Variants in KCTD8 observed in about 807,000 individuals in gnomAD.
KCTD8 encodes the protein BTB/POZ domain-containing protein KCTD8.
KCTD8 carries 27 observed loss-of-function variants against 31.5 expected under a neutral mutation model. The ratio of observed to expected loss-of-function variants is 0.86; its 90% confidence interval spans 0.63 to 1.18. The LOEUF is 1.18. Ranked by LOEUF, KCTD8 falls within the 50% of genes most tolerant of loss-of-function variation. The pLI is 0.00. For synonymous variants in KCTD8, 290 were observed against 280.0 expected (o/e 1.04, Z -0.36); for missense variants, 658 against 647.7 (o/e 1.02, Z -0.17).
At chr4:44,442,609 T>G (rs1397731044) in intron 1 of KCTD8, among the ~76,000 whole-genome samples, 2 of 152,030 alleles carry the variant, frequency 1.3e-5, no homozygotes. Flanking sequence ...ATTTAAAAAC[T>G]TATTAACTAT....
At chr4:44,255,621 T>C (rs1337241712) in intron 1 of KCTD8, among the ~76,000 whole-genome samples, 1 of 151,862 alleles carries the variant, frequency 6.6e-6, no homozygotes, top group Non-Finnish European at 1.5e-5. Context: ...TAGAGCTCTT[T>C]TTAAGAAGAA....
At chr4:44,261,169 A>T (rs1159439634) in intron 1 of KCTD8, among the ~76,000 whole-genome samples, 1 of 152,000 alleles carries the variant, frequency 6.6e-6, no homozygotes, top group Non-Finnish European at 1.5e-5. Flanking sequence ...TGTCCTGAGA[A>T]ACTGGTGAAC....
At chr4:44,177,778 G>A (rs779088844) in intron 1 of KCTD8, among the ~76,000 whole-genome samples, 9 of 152,126 alleles carry the variant, frequency 5.9e-5, no homozygotes, top group South Asian at 2.1e-4. Context: ...TATCAGCAGC[G>A]TGAAAATGGA....
At chr4:44,364,028 T>C (rs1719567000) in intron 1 of KCTD8, among the ~76,000 whole-genome samples, 1 of 152,088 alleles carries the variant, frequency 6.6e-6, no homozygotes, top group South Asian at 2.1e-4. Context: ...GATCTTGGAT[T>C]TGGCAGTCAC....
At position 44,267,974 on chromosome 4, in the gene KCTD8, A is replaced by T. The variant is rs143481957; in HGVS notation, c.962-92724T>A. 9.8e-3 allele frequency among the ~76,000 whole-genome samples: 1,493 copies of T among 152,236 alleles called. 8 individuals are homozygous for T. The highest frequency in any genetic ancestry group is 0.018 in the Non-Finnish European group (1,232 of 67,996). ...AATTCCACCAGAGGTACAAGGAGGA[A>T]CTGGTACCATTCCTTCTGAAACTAT... On this transcript the variant is annotated intron_variant, in intron 1 of 1. Transcript: ENST00000360029.
intron 1 of KCTD8, among the ~76,000 whole-genome samples, chr4:44,411,699 A>T (rs956542876): frequency 6.6e-6 from 1 of 152,038 alleles, no homozygotes; most frequent in Non-Finnish European, 1.5e-5. Context: ...GTGGACCCTT[A>T]TTCCAATATG....
chr4:44,444,550 G>GCT (rs1369638179), intron 1 of KCTD8, among the ~76,000 whole-genome samples: 6 of 152,116 alleles, frequency 3.9e-5, no homozygotes, highest in Non-Finnish European at 5.9e-5. Context: ...ATAGTTAACA[G>GCT]CTAACATTTG....
chr4:44,203,940 T>C (rs538980030), intron 1 of KCTD8, among the ~76,000 whole-genome samples: 2 of 151,736 alleles, frequency 1.3e-5, no homozygotes, highest in Non-Finnish European at 2.9e-5. Context: ...CAAGATTTAG[T>C]AATAAAAAAA....
At chr4:44,252,350 G>C (rs1282130324) in intron 1 of KCTD8, among the ~76,000 whole-genome samples, 1 of 151,592 alleles carries the variant, frequency 6.6e-6, no homozygotes, top group Non-Finnish European at 1.5e-5. Context: ...TTCATATAAT[G>C]ACTTCTTTTC....
chr4:44,218,526 C>G (rs1298286025), intron 1 of KCTD8, among the ~76,000 whole-genome samples: 1 of 150,726 alleles, frequency 6.6e-6, no homozygotes, highest in African/African-American at 2.4e-5. Flanking sequence ...GCTTATTTCA[C>G]ATTGCATGCC....
intron 1 of KCTD8, among the ~76,000 whole-genome samples, chr4:44,280,329 A>G (rs1274678165): frequency 1.3e-5 from 2 of 152,046 alleles, no homozygotes; most frequent in Non-Finnish European, 2.9e-5. Flanking sequence ...TCATACTGCT[A>G]CCCTCTGGGT....
intron 1 of KCTD8, among the ~76,000 whole-genome samples, chr4:44,344,783 T>A (rs1718997653): frequency 6.6e-6 from 1 of 152,228 alleles, no homozygotes; most frequent in African/African-American, 2.4e-5. Flanking sequence ...CAGATAATTT[T>A]TAATATTAAG....
chr4:44,255,021 A>C (rs1577577290), intron 1 of KCTD8, among the ~76,000 whole-genome samples: 1 of 151,900 alleles, frequency 6.6e-6, no homozygotes, highest in Non-Finnish European at 1.5e-5. Context: ...TTTCTTATTG[A>C]GGATGCAAGT....
chr4:44,302,564 A>G (rs1717660948), intron 1 of KCTD8, among the ~76,000 whole-genome samples: 1 of 151,964 alleles, frequency 6.6e-6, no homozygotes, highest in Admixed American at 6.6e-5. Flanking sequence ...TTGTACATTG[A>G]TTTTGTATCC....
chr4:44,335,529 A>G (rs1486960381), intron 1 of KCTD8, among the ~76,000 whole-genome samples: 1 of 152,110 alleles, frequency 6.6e-6, no homozygotes, highest in East Asian at 1.9e-4. Context: ...GCCCAGAACA[A>G]TTTTCACTCA....
chr4:44,329,869 G>T (rs1018416371), intron 1 of KCTD8, among the ~76,000 whole-genome samples: 2 of 151,752 alleles, frequency 1.3e-5, no homozygotes, highest in Non-Finnish European at 2.9e-5. Flanking sequence ...TTGATCCCTA[G>T]ATTTTAGCTA....
chr4:44,175,784 G>A (rs574044700), intron 1 of KCTD8, among the ~76,000 whole-genome samples: 55 of 152,260 alleles, frequency 3.6e-4, no homozygotes, highest in Non-Finnish European at 6.5e-4. Context: ...CAAAGGGGAG[G>A]CTGGTTTAAA....
At chr4:44,242,823 C>A (rs530321629) in intron 1 of KCTD8, among the ~76,000 whole-genome samples, 121 of 151,972 alleles carry the variant, frequency 8.0e-4, no homozygotes, top group African/African-American at 2.8e-3. Context: ...TGGCATCTTC[C>A]CCCTCTTCCT....
chr4:44,301,393 T>C (rs1717617050), intron 1 of KCTD8, among the ~76,000 whole-genome samples: 1 of 152,204 alleles, frequency 6.6e-6, no homozygotes, highest in Non-Finnish European at 1.5e-5. Flanking sequence ...TTCCTGACTT[T>C]TTAATGATTG....
Sources: gnomAD v4.1 joint callset for allele counts (sites outside exome capture counted in the v4.1 genomes callset) on GRCh38, gnomAD v4.1.1 for gene constraint, MANE v1.5 for transcripts, NCBI Gene and HGNC (gene_info 2026-07-23, HGNC 2026-07-21) for gene names.